SLC26A7: variants seen among roughly 807,000 people sequenced by gnomAD.
SLC26A7 encodes solute carrier family 26 member 7.
A neutral mutation model predicts 82.5 loss-of-function variants in SLC26A7; 59 were observed. The ratio of observed to expected loss-of-function variants is 0.72; its 90% CI spans 0.58 to 0.89. The LOEUF is 0.89. Among genes scored for constraint, SLC26A7 ranks in the 40% least tolerant of loss-of-function variants. The pLI is 0.00. For synonymous variants in SLC26A7, 271 were observed against 274.3 expected, an observed-to-expected ratio of 0.99 and a Z score of 0.12; for missense variants, 820 against 793.0, an observed-to-expected ratio of 1.03 and a Z score of -0.41.
chr8:91,356,415 G>A (rs950356874), intron 11 of SLC26A7, among the ~76,000 whole-genome samples: 8 of 151,704 alleles, frequency 5.3e-5, no homozygotes, highest in Non-Finnish European at 8.8e-5. Flanking sequence ...TTTAATGATC[G>A]CCATTCTAAC....
In SLC26A7 at chr8:91,374,804, A is replaced by T. The variant is rs114813079; in HGVS notation, c.1675+4971A>T. 2.3e-3 allele frequency among the ~76,000 whole-genome samples: 350 copies of T among 152,090 alleles called. 1 individual carries two copies. Among genetic ancestry groups the T allele is most frequent in the African/African-American group, 7.9e-3 (329 of 41,524 alleles). ...CCTTTGTTAGTTTTCTGCCTCAGTG[A>T]TCCTTCTAGTGCTGCCAGTGTGATA... On this transcript the variant is annotated intron_variant, in intron 15 of 18. Transcript: ENST00000276609.
chr8:91,277,275 C>T (rs1001287410), intron 2 of SLC26A7, among the ~76,000 whole-genome samples: 6 of 152,194 alleles, frequency 3.9e-5, no homozygotes, highest in Non-Finnish European at 5.9e-5. Flanking sequence ...GAACATCTCT[C>T]TCGAGTGGAG....
In SLC26A7 at chr8:91,338,653, G is replaced by T. The variant is rs181506475; in HGVS notation, c.878+421G>T. The stretch of plus-strand genomic sequence containing the variant: ...CTGAAATAGCAAACCCTAGGCCTGG[G>T]TAGTATATAATAATGAGAGAGTGGA... On this transcript the variant is annotated intron_variant, in intron 7 of 18. Transcript: ENST00000276609. 2.0e-4 allele frequency among the ~76,000 whole-genome samples: 31 copies of T among 152,198 alleles called. No homozygotes were observed. In the East Asian group the frequency reaches 3.9e-3, roughly 19 times the overall value.
intron 15 of SLC26A7, among the ~76,000 whole-genome samples, chr8:91,378,077 A>G (rs537104899): frequency 7.6e-4 from 116 of 152,160 alleles, no homozygotes; most frequent in African/African-American, 2.5e-3. Context: ...TGTCTCTTTC[A>G]TTTAACATTA....
chr8:91,288,094 T>C (rs759746783), intron 2 of SLC26A7, among the ~76,000 whole-genome samples: 58 of 152,222 alleles, frequency 3.8e-4, no homozygotes, highest in Non-Finnish European at 5.1e-4. Context: ...GAAAGATAAC[T>C]ACGGAGCTTA....
rs922535735 is a variant in SLC26A7, at chr8:91,343,442, G to A, written c.1116G>A (p.Leu372=). 12 of 1,612,170 alleles carry A rather than the reference G, an allele frequency of 7.4e-6. No homozygotes were observed. The highest frequency in any genetic ancestry group is 1.0e-5 in the Non-Finnish European group (12 of 1,179,802). The stretch of plus-strand genomic sequence containing the variant: ...CTGCCATGGGAAGGACGGCTGGCCT[G>A]TACAGCACAGGAGCGAAGACACAGG... The part of the protein sequence containing the change: ...SAAAMGRTAG[L]YSTGAKTQVA... Residue 372 remains leucine, a synonymous_variant, in exon 9 of 19, where the codon CTG becomes CTA. Transcript: ENST00000276609.
chr8:91,338,441 G>A (rs1360335850), intron 7 of SLC26A7, among the ~76,000 whole-genome samples: 1 of 152,114 alleles, frequency 6.6e-6, no homozygotes, highest in East Asian at 1.9e-4. Context: ...ATTGCTTTAT[G>A]CAGCATTGCT....
intron 7 of SLC26A7, among the ~76,000 whole-genome samples, chr8:91,338,676 G>A (rs1443998418): frequency 1.3e-5 from 2 of 151,878 alleles, no homozygotes; most frequent in Non-Finnish European, 2.9e-5. Context: ...ATGAGAGAGT[G>A]GAAGTGGAGA....
intron 5 of SLC26A7, among the ~76,000 whole-genome samples, chr8:91,325,207 G>A (rs1812899772): frequency 6.6e-6 from 1 of 152,098 alleles, no homozygotes; most frequent in African/African-American, 2.4e-5. Context: ...TTCCTCATGT[G>A]TTAAATGGAA....
rs770682194 is a variant in SLC26A7 at position 91,352,590 on chromosome 8, G to A, written c.1219-311G>A. On this transcript the variant is annotated intron_variant, in intron 10 of 18. Transcript: ENST00000276609. ...ACAAATACTTTTCAAACAAATGACC[G>A]TGAATACGTTTAGTTAAGAGGGCAT... is the stretch of plus-strand genomic sequence containing the variant. Among the ~76,000 whole-genome samples the A allele has an allele frequency of 1.4e-4, 21 of 152,096 alleles. No homozygotes were observed. The South Asian group carries it at 2.1e-3, about 15-fold the overall frequency.
intron 2 of SLC26A7, among the ~76,000 whole-genome samples, chr8:91,288,809 A>C (rs12674704): frequency 0.53 from 80,218 of 152,024 alleles, 24,197 homozygotes; most frequent in South Asian, 0.68. Flanking sequence ...AATGCTTCTA[A>C]AATTTTAGTG....
intron 9 of SLC26A7, among the ~76,000 whole-genome samples, chr8:91,346,528 T>C (rs1433110306): frequency 2.0e-5 from 3 of 152,214 alleles, no homozygotes; most frequent in Admixed American, 2.0e-4. Flanking sequence ...CTTCATTTTT[T>C]AGGCTAATGA....
At chr8:91,249,019 CCT>C (rs895920788), upstream of SLC26A7, among the ~76,000 whole-genome samples, 13 of 152,176 alleles carry the variant, frequency 8.5e-5, no homozygotes, top group African/African-American at 3.1e-4. Context: ...TTAGCAATGC[CCT>C]GTTATGTTTC....
chr8:91,297,835 A>G (rs1812056157), intron 4 of SLC26A7, among the ~76,000 whole-genome samples: 1 of 152,020 alleles, frequency 6.6e-6, no homozygotes, highest in Admixed American at 6.6e-5. Flanking sequence ...TTATTTATTT[A>G]TTTGTGTATT....
intron 16 of SLC26A7, 88 bp downstream of exon 16, chr8:91,389,526 C>G (rs997887343): frequency 1.2e-4 from 111 of 922,422 alleles, no homozygotes; most frequent in Non-Finnish European, 1.8e-4. Context: ...AGTCTTGAGC[C>G]TGCTTGTTGC....
At chr8:91,227,838 C>T (rs556563738) in intron 2 of SLC26A7, among the ~76,000 whole-genome samples, 2 of 152,218 alleles carry the variant, frequency 1.3e-5, no homozygotes, top group South Asian at 2.1e-4. Flanking sequence ...TTGAAACTCT[C>T]GTTGGTATTT....
intron 2 of SLC26A7, among the ~76,000 whole-genome samples, chr8:91,240,643 A>T (rs1224724427): frequency 2.0e-5 from 3 of 152,188 alleles, no homozygotes; most frequent in Non-Finnish European, 4.4e-5. Context: ...AAGCTTGAGC[A>T]CAGCAAATTT....
chr8:91,213,542 G>A (rs1405928959), intron 1 of SLC26A7, among the ~76,000 whole-genome samples: 3 of 152,196 alleles, frequency 2.0e-5, no homozygotes, highest in Non-Finnish European at 4.4e-5. Context: ...AGTACAATGC[G>A]AATAAGTAGG....
intron 2 of SLC26A7, among the ~76,000 whole-genome samples, chr8:91,257,845 C>T (rs1437502719): frequency 6.6e-6 from 1 of 151,940 alleles, no homozygotes; most frequent in Non-Finnish European, 1.5e-5. Context: ...TGAAGAAATA[C>T]CTGAGACTGG....
Sources: allele counts gnomAD v4.1 joint callset (sites outside exome capture counted in the v4.1 genomes callset), GRCh38; gene constraint gnomAD v4.1.1; transcripts MANE v1.5; gene names NCBI Gene and HGNC (gene_info 2026-07-23, HGNC 2026-07-21).